Variants in NT5E observed in about 807,000 individuals in gnomAD.
NT5E encodes 5'-nucleotidase.
In NT5E, 53 loss-of-function variants were observed where a neutral mutation model predicts 55.1. The observed-to-expected ratio is 0.96, with a 90% CI of 0.77 to 1.21. The LOEUF (loss-of-function observed/expected upper bound fraction) is 1.21, where lower values mean the gene tolerates loss of function less well. NT5E is among the 50% of genes most tolerant of loss of function. The pLI, the probability that NT5E is intolerant of heterozygous loss-of-function variation, is 0.00. For missense variants in NT5E, 683 were observed against 724.3 expected, an observed-to-expected ratio of 0.94 and a Z score of 0.65; for synonymous variants, 270 against 278.4, an observed-to-expected ratio of 0.97 and a Z score of 0.30.
intron 1 of NT5E, among the ~76,000 whole-genome samples, chr6:85,454,410 C>T (rs1422779317): frequency 6.6e-6 from 1 of 152,180 alleles, no homozygotes; most frequent in African/African-American, 2.4e-5. Context: ...TTATCATGTA[C>T]TTTTCTAATA....
intron 2 of NT5E, among the ~76,000 whole-genome samples, chr6:85,470,263 G>C (rs1171646599): frequency 6.6e-6 from 1 of 152,194 alleles, no homozygotes; most frequent in Non-Finnish European, 1.5e-5. Context: ...GCTGCACACA[G>C]AGAACCTGGG....
In NT5E at chr6:85,450,236, C is replaced by T; in HGVS notation, c.97C>T (p.His33Tyr). 1 of 1,609,892 alleles carries T rather than the reference C, an allele frequency of 6.2e-7. No individual in the cohort carries two copies. Among genetic ancestry groups the T allele is most frequent in the Admixed American group, 1.7e-5 (1 of 59,778 alleles). The change falls in exon 1 of 9, where the codon CAC becomes TAC. Residue 33 changes from histidine (H) to tyrosine (Y), a missense_variant. Coordinates refer to ENST00000257770, the MANE Select transcript of NT5E (RefSeq NM_002526.4). This position sits in a 1 kb window ranked among gnomAD's most constrained non-coding sequence, Gnocchi z 4.0. ...AAGAWELTIL[H>Y]TNDVHSRLEQ... ...TGGCGCCTGGGAGCTTACGATTTTG[C>T]ACACCAACGACGTGCACAGCCGGCT... is the stretch of plus-strand genomic sequence containing the variant.
intron 5 of NT5E, among the ~76,000 whole-genome samples, chr6:85,489,281 AG>A (rs1769733748): frequency 1.3e-5 from 2 of 152,066 alleles, no homozygotes; most frequent in Non-Finnish European, 2.9e-5. Flanking sequence ...GAGTTTTAGG[AG>A]GGGGAAATAA....
intron 3 of NT5E, among the ~76,000 whole-genome samples, chr6:85,474,099 G>A (rs762720551): frequency 2.0e-5 from 3 of 152,162 alleles, no homozygotes; most frequent in African/African-American, 4.8e-5. Flanking sequence ...AGAACTCCCT[G>A]TGGATACCAA....
chr6:85,471,967 A>C (rs1769319451), intron 3 of NT5E, among the ~76,000 whole-genome samples: 1 of 151,772 alleles, frequency 6.6e-6, no homozygotes, highest in African/African-American at 2.4e-5. Context: ...GAGAGCATGC[A>C]CTCTTCCTAC....
At chr6:85,456,678 A>G (rs1359348819) in intron 1 of NT5E, among the ~76,000 whole-genome samples, 2 of 152,204 alleles carry the variant, frequency 1.3e-5, no homozygotes, top group Non-Finnish European at 2.9e-5. Flanking sequence ...GGGTGAGGAA[A>G]GAGGCCAGGC....
chr6:85,467,092 G>A lies in NT5E; in HGVS notation c.372G>A (p.Val124=), dbSNP rs749131238. ...ALGNHEFDNG[V]EGLIEPLLKE... is the part of the protein sequence containing the mutation. ...GAAATCATGAATTTGATAATGGTGT[G>A]GAAGGACTGATCGAGCCACTCCTCA... The change falls in exon 2 of 9, where the codon GTG becomes GTA. Residue 124 remains valine (V), a synonymous_variant. Transcript: ENST00000257770. 6 of 1,614,060 alleles carry A rather than the reference G, an allele frequency of 3.7e-6. No individual in the cohort carries two copies. Among genetic ancestry groups the A allele is most frequent in the Non-Finnish European group, 5.1e-6 (6 of 1,180,006 alleles).
chr6:85,469,071 G>T (rs1426505899), intron 2 of NT5E, among the ~76,000 whole-genome samples: 1 of 152,208 alleles, frequency 6.6e-6, no homozygotes, highest in Non-Finnish European at 1.5e-5. Context: ...AGTTCTCCCA[G>T]TCCTAGTGGC....
intron 3 of NT5E, 36 bp from the exon 4 acceptor site, chr6:85,485,199 G>A (rs1452317328): frequency 6.2e-7 from 1 of 1,602,880 alleles, no homozygotes; most frequent in South Asian, 1.1e-5. Context: ...GTATGTACAA[G>A]GGCTGACTTG....
chr6:85,459,297 T>C (rs1389581954), intron 1 of NT5E, among the ~76,000 whole-genome samples: 1 of 152,214 alleles, frequency 6.6e-6, no homozygotes, highest in African/African-American at 2.4e-5. Context: ...TTATAGGGCT[T>C]CCTGCAACCT....
chr6:85,494,137 T>C lies in NT5E; in HGVS notation c.*133T>C, dbSNP rs1769843980. The C allele has an allele frequency of 4.6e-6, 4 of 865,480 alleles. No homozygotes were observed. Among genetic ancestry groups the C allele is most frequent in the Non-Finnish European group, 7.3e-6 (4 of 547,244 alleles). 53.6% of individuals were successfully genotyped at this position (865,480 alleles called of 1,614,324 possible). ...CTCCTAGAAGCTGAAGGTTAGAGCA[T>C]TATAAAATGAAGAGACAGACATGAT... is the stretch of plus-strand genomic sequence containing the variant. On this transcript the variant is annotated 3_prime_UTR_variant, in exon 9 of 9. Transcript: ENST00000257770.
intron 1 of NT5E, among the ~76,000 whole-genome samples, chr6:85,453,062 A>G (rs1463881315): frequency 6.6e-6 from 1 of 152,138 alleles, no homozygotes; most frequent in Non-Finnish European, 1.5e-5. Context: ...AGTAATCCTG[A>G]TTGCTGTAGA....
chr6:85,490,806 T>A, intron 7 of NT5E, 149 bp downstream of exon 7: 1 of 840,430 alleles, frequency 1.2e-6, no homozygotes, highest in Non-Finnish European at 1.9e-6. Context: ...CTTTAATGGC[T>A]GTGGACTCTC....
At position 85,450,178 on chromosome 6, in the gene NT5E, C is replaced by T. The variant is rs1352380914; in HGVS notation, c.39C>T (p.Leu13=). The T allele has an allele frequency of 1.2e-6, 2 of 1,605,218 alleles. No individual in the cohort carries two copies. Among genetic ancestry groups the T allele is most frequent in the Non-Finnish European group, 1.7e-6 (2 of 1,177,258 alleles). ...PRAARAPATL[L]LALGAVLWPA... ...CCGCGCGGGCGCCCGCGACGCTACTCCTCGCCCTGGGCGCGGTGCTGTGGC... is the reference window on the plus strand; with the variant it reads ...CCGCGCGGGCGCCCGCGACGCTACTTCTCGCCCTGGGCGCGGTGCTGTGGC... Residue 13 remains leucine, a synonymous_variant, in exon 1 of 9, where the codon CTC becomes CTT. Coordinates refer to ENST00000257770, the MANE Select transcript of NT5E (RefSeq NM_002526.4). The surrounding 1 kb of genome is among the most constrained non-coding windows in gnomAD (Gnocchi z 4.0).
intron 2 of NT5E, among the ~76,000 whole-genome samples, chr6:85,468,212 A>G (rs779494863): frequency 1.8e-4 from 28 of 152,240 alleles, no homozygotes; most frequent in Non-Finnish European, 3.8e-4. Context: ...AGTCCAGGCC[A>G]TTGGAAACAA....
In NT5E at chr6:85,471,317, A is replaced by G. The variant is rs1453569405; in HGVS notation, c.643A>G (p.Ile215Val). The G allele has an allele frequency of 6.2e-7, 1 of 1,613,082 alleles. No homozygotes were observed. Among genetic ancestry groups the G allele is most frequent in the South Asian group, 1.1e-5 (1 of 90,986 alleles). Reference sequence around the variant, plus strand: ...GTTAAAAACTCTAAATGTGAACAAAATTATTGCACTGGGACATTCGGGTTT... The same window carrying G: ...GTTAAAAACTCTAAATGTGAACAAAGTTATTGCACTGGGACATTCGGGTTT... ...DKLKTLNVNK[I>V]IALGHSGFEM... Residue 215 changes from isoleucine to valine, a missense_variant, in exon 3 of 9, where the codon ATT becomes GTT. Ile to Val is a conservative substitution (Grantham distance 29). Coordinates refer to ENST00000257770, the MANE Select transcript of NT5E (RefSeq NM_002526.4).
chr6:85,475,886 CAT>C (rs1769424707), intron 3 of NT5E, among the ~76,000 whole-genome samples: 1 of 152,240 alleles, frequency 6.6e-6, no homozygotes, highest in South Asian at 2.1e-4. Context: ...ATCATCCATA[CAT>C]AGAGCCTGAA....
chr6:85,469,651 C>T (rs570264315), intron 2 of NT5E, among the ~76,000 whole-genome samples: 14 of 152,276 alleles, frequency 9.2e-5, no homozygotes, highest in African/African-American at 3.4e-4. Flanking sequence ...CTTCTTGGGG[C>T]AACCAACAGG....
chr6:85,475,117 G>A (rs1769401315), intron 3 of NT5E, among the ~76,000 whole-genome samples: 1 of 152,124 alleles, frequency 6.6e-6, no homozygotes, highest in Non-Finnish European at 1.5e-5. Flanking sequence ...TAAAAATACA[G>A]TTAAAATAAT....
Sources: gnomAD v4.1 joint callset for allele counts (sites outside exome capture counted in the v4.1 genomes callset) on GRCh38, gnomAD v4.1.1 for gene constraint, Gnocchi (gnomAD v3.1) non-coding constraint, MANE v1.5 for transcripts, NCBI Gene and HGNC (gene_info 2026-07-23, HGNC 2026-07-21) for gene names.